Variants in CHCHD3 observed in about 807,000 individuals in gnomAD.
CHCHD3 encodes MICOS complex subunit MIC19.
Under a neutral mutation model 38.2 loss-of-function variants are expected in CHCHD3, and 20 were observed. The ratio of observed to expected loss-of-function variants is 0.52; its 90% CI spans 0.37 to 0.76. The LOEUF (loss-of-function observed/expected upper bound fraction) is 0.76. Among genes scored for constraint, CHCHD3 ranks in the 30% least tolerant of loss-of-function variants. The probability of loss-of-function intolerance (pLI) is 0.00; values close to 1 mark genes in which losing one functional copy is unlikely to be tolerated. For missense variants in CHCHD3, 245 were observed against 279.2 expected (o/e 0.88, Z 0.87); for synonymous variants, 82 against 100.0 (o/e 0.82, Z 1.07).
chr7:132,868,308 CTT>C (rs1808683130), intron 5 of CHCHD3, among the ~76,000 whole-genome samples: 1 of 152,092 alleles, frequency 6.6e-6, no homozygotes, highest in African/African-American at 2.4e-5. Context: ...TTATACAGAT[CTT>C]TTTGAAAAGT....
chr7:132,926,923 T>C (rs117510295), intron 4 of CHCHD3, among the ~76,000 whole-genome samples: 2 of 152,290 alleles, frequency 1.3e-5, no homozygotes, highest in Non-Finnish European at 2.9e-5. Context: ...GGTAACTGCA[T>C]AGGTATTTTC....
At chr7:132,830,406 T>G (rs1239047911) in intron 6 of CHCHD3, among the ~76,000 whole-genome samples, 2 of 152,218 alleles carry the variant, frequency 1.3e-5, no homozygotes, top group Non-Finnish European at 2.9e-5. Flanking sequence ...GGAGCCACTA[T>G]CTTGCAGTTG....
At chr7:132,973,313 C>T (rs763750322) in intron 4 of CHCHD3, 1 of 985,342 alleles carries the variant, frequency 1.0e-6, no homozygotes, top group Non-Finnish European at 1.2e-6. Flanking sequence ...CACTATTAAC[C>T]TCCTCCACTA....
At chr7:133,053,488 G>A (rs998625764) in intron 2 of CHCHD3, among the ~76,000 whole-genome samples, 1 of 152,130 alleles carries the variant, frequency 6.6e-6, no homozygotes, top group Non-Finnish European at 1.5e-5. Flanking sequence ...TGCTAGTCAC[G>A]GGACACGTCA....
intron 3 of CHCHD3, among the ~76,000 whole-genome samples, chr7:132,984,807 T>G (rs1812044729): frequency 7.4e-6 from 1 of 136,038 alleles, no homozygotes; most frequent in African/African-American, 2.8e-5. Context: ...GTCTGGGAAG[T>G]GAGGAGCGTC....
chr7:132,934,921 T>C (rs568606625), intron 4 of CHCHD3, among the ~76,000 whole-genome samples: 1 of 152,318 alleles, frequency 6.6e-6, no homozygotes, highest in East Asian at 1.9e-4. Context: ...ATGGAAAAGA[T>C]ACAAGTGGAG....
At chr7:133,024,775 A>G in intron 2 of CHCHD3, 148 bp from the exon 3 acceptor site, 1 of 636,702 alleles carries the variant, frequency 1.6e-6, no homozygotes, top group Non-Finnish European at 2.8e-6. Flanking sequence ...CTTCTCAAGC[A>G]CTGTGGAAAA....
intron 4 of CHCHD3, among the ~76,000 whole-genome samples, chr7:132,893,372 G>A (rs1261299399): frequency 6.6e-6 from 1 of 152,190 alleles, no homozygotes; most frequent in East Asian, 1.9e-4. Flanking sequence ...CCCAATGCCA[G>A]TACCCCCACT....
rs1311016887 is a variant in CHCHD3 at position 133,059,451 on chromosome 7, G to A, written c.169+10691C>T. The stretch of plus-strand genomic sequence containing the variant: ...GAGGAGGGTAGCAGGAACTGAGAGC[G>A]GGAGGGTCCGAGAAGGGAAAATCCC... On this transcript the variant is annotated intron_variant, in intron 2 of 7. Transcript: ENST00000262570. Among the ~76,000 whole-genome samples, 5 of 152,126 alleles carry A rather than the reference G, an allele frequency of 3.3e-5. No homozygotes were observed. The South Asian group carries it at 8.3e-4, about 25-fold the overall frequency.
chr7:133,044,979 G>C (rs907066547), intron 2 of CHCHD3, among the ~76,000 whole-genome samples: 3 of 152,266 alleles, frequency 2.0e-5, no homozygotes, highest in Non-Finnish European at 4.4e-5. Flanking sequence ...GGTTAGGGGA[G>C]CATGGCAACC....
chr7:132,960,555 G>C (rs949061924), intron 4 of CHCHD3, among the ~76,000 whole-genome samples: 6 of 152,194 alleles, frequency 3.9e-5, no homozygotes, highest in African/African-American at 1.4e-4. Flanking sequence ...GACAGGGAAT[G>C]ATGGGAAACT....
intron 6 of CHCHD3, among the ~76,000 whole-genome samples, chr7:132,817,890 T>C (rs1267697037): frequency 9.9e-6 from 1 of 101,164 alleles, no homozygotes; most frequent in Non-Finnish European, 2.3e-5. Context: ...AGACCCTGTC[T>C]CAAAAAAAAA....
At chr7:132,992,149 T>C (rs1437129317) in intron 3 of CHCHD3, among the ~76,000 whole-genome samples, 1 of 152,178 alleles carries the variant, frequency 6.6e-6, no homozygotes, top group Non-Finnish European at 1.5e-5. Flanking sequence ...GTTTCCCATT[T>C]GCTTCCTATC....
chr7:132,824,909 C>A (rs1585548463), intron 6 of CHCHD3, among the ~76,000 whole-genome samples: 1 of 152,214 alleles, frequency 6.6e-6, no homozygotes, highest in African/African-American at 2.4e-5. Flanking sequence ...AGTCCTACTG[C>A]ATTTTATGGT....
chr7:133,046,643 G>A (rs1007982619), intron 2 of CHCHD3, among the ~76,000 whole-genome samples: 1 of 151,974 alleles, frequency 6.6e-6, no homozygotes, highest in Non-Finnish European at 1.5e-5. Context: ...CTCACTGCAA[G>A]CTCCAGCCTC....
At position 132,827,565 on chromosome 7, in the gene CHCHD3, T is replaced by C. The variant is rs142334109; in HGVS notation, c.524+10834A>G. Among the ~76,000 whole-genome samples, 574 of 152,320 alleles carry C rather than the reference T, an allele frequency of 3.8e-3. 1 individual carries two copies. The highest frequency in any genetic ancestry group is 5.9e-3 in the Non-Finnish European group (402 of 68,026). On this transcript the variant is annotated intron_variant, in intron 6 of 7. Coordinates refer to ENST00000262570, the MANE Select transcript of CHCHD3 (RefSeq NM_017812.4). Reference sequence around the variant, plus strand: ...GTTTTCAGATTAGGGCTGCTCAGCCTGTATATCACAATGCACCAATCTTCA... The same window carrying C: ...GTTTTCAGATTAGGGCTGCTCAGCCCGTATATCACAATGCACCAATCTTCA...
intron 6 of CHCHD3, among the ~76,000 whole-genome samples, chr7:132,809,610 A>G (rs1234422827): frequency 6.6e-6 from 1 of 152,168 alleles, no homozygotes; most frequent in Non-Finnish European, 1.5e-5. Flanking sequence ...TGCAAGAAAG[A>G]GTACCCACTG....
At chr7:132,875,682 T>C (rs539620091) in intron 5 of CHCHD3, among the ~76,000 whole-genome samples, 4 of 152,352 alleles carry the variant, frequency 2.6e-5, no homozygotes, top group Admixed American at 2.6e-4. Context: ...TCATTATATC[T>C]TTGAATAGAG....
intron 6 of CHCHD3, chr7:132,813,477 C>A (rs1477796642): frequency 6.6e-6 from 1 of 152,128 alleles, no homozygotes; most frequent in Non-Finnish European, 1.5e-5. Context: ...GCAAATTTTT[C>A]CTCATTTCCT....
Sources: gnomAD v4.1 joint callset for allele counts (sites outside exome capture counted in the v4.1 genomes callset) on GRCh38, gnomAD v4.1.1 for gene constraint, MANE v1.5 for transcripts, NCBI Gene and HGNC (gene_info 2026-07-23, HGNC 2026-07-21) for gene names.